RNGTT: variants seen among roughly 807,000 people sequenced by gnomAD.
RNGTT encodes the protein RNA guanylyltransferase and 5'-phosphatase.
Under a neutral mutation model 79.3 loss-of-function variants are expected in RNGTT, and 33 were observed. That is an observed-to-expected ratio of 0.42 (90% CI 0.32 to 0.56). RNGTT has a LOEUF of 0.56. Ranked by LOEUF, RNGTT falls within the 20% of genes least tolerant of loss-of-function variation. The probability of loss-of-function intolerance (pLI) is 0.17; values close to 1 mark genes in which losing one functional copy is unlikely to be tolerated. For missense variants in RNGTT, 497 were observed against 739.1 expected (o/e 0.67, Z 3.80); for synonymous variants, 222 against 235.9 (o/e 0.94, Z 0.54).
chr6:88,848,071 C>A (rs1302335963), intron 10 of RNGTT, among the ~76,000 whole-genome samples: 1 of 150,934 alleles, frequency 6.6e-6, no homozygotes. Flanking sequence ...GCAATTAAAT[C>A]ATATAAATTC....
chr6:88,755,959 C>CA (rs1157096180), intron 13 of RNGTT, among the ~76,000 whole-genome samples: 1,854 of 30,144 alleles, frequency 0.062, 165 homozygotes, highest in Admixed American at 0.099. Flanking sequence ...GACTCCGTCT[C>CA]AAAAAAAAAA....
At chr6:88,687,503 G>T (rs1775321134) in intron 13 of RNGTT, among the ~76,000 whole-genome samples, 1 of 152,176 alleles carries the variant, frequency 6.6e-6, no homozygotes, top group African/African-American at 2.4e-5. Flanking sequence ...GTTTGCAGTT[G>T]CAAAATGTTA....
intron 1 of RNGTT, among the ~76,000 whole-genome samples, chr6:88,954,484 G>C (rs572123976): frequency 1.3e-5 from 2 of 152,078 alleles, no homozygotes; most frequent in South Asian, 2.1e-4. Context: ...AATTTGTAAA[G>C]CAATTACTAC....
In RNGTT at chr6:88,727,617, C is replaced by T. The variant is rs554962258; in HGVS notation, c.1439+42157G>A. Among the ~76,000 whole-genome samples the T allele has an allele frequency of 8.5e-5, 13 of 152,180 alleles. No homozygotes were observed. In the South Asian group the frequency reaches 1.5e-3, roughly 17 times the overall value. On this transcript the variant is annotated intron_variant, in intron 13 of 15. Coordinates refer to ENST00000369485, the MANE Select transcript of RNGTT (RefSeq NM_003800.5). ...AATTGAGTTTAACATTAATAACACA[C>T]TAATATAAAGGTGAAATTTAGCTTA...
chr6:88,951,565 A>G (rs1400961314), intron 1 of RNGTT, among the ~76,000 whole-genome samples: 2 of 152,190 alleles, frequency 1.3e-5, no homozygotes, highest in Non-Finnish European at 2.9e-5. Flanking sequence ...TGTAAATTCC[A>G]CGAGACAGGC....
At chr6:88,918,451 A>T (rs1784066239) in intron 4 of RNGTT, among the ~76,000 whole-genome samples, 1 of 152,176 alleles carries the variant, frequency 6.6e-6, no homozygotes, top group Non-Finnish European at 1.5e-5. Flanking sequence ...GGAATGCAAA[A>T]CAGAAAGAAG....
At chr6:88,826,824 G>GTATATATA (rs372174983) in intron 11 of RNGTT, among the ~76,000 whole-genome samples, 4 of 129,218 alleles carry the variant, frequency 3.1e-5, no homozygotes, top group African/African-American at 1.2e-4. Context: ...ATATGTGTGT[G>GTATATATA]TATATATATA....
At chr6:88,647,546 T>A (rs1248112748) in intron 14 of RNGTT, among the ~76,000 whole-genome samples, 2 of 149,340 alleles carry the variant, frequency 1.3e-5, no homozygotes, top group Admixed American at 6.7e-5. Flanking sequence ...CATAGGGAGG[T>A]CCTGTCTCTA....
intron 14 of RNGTT, among the ~76,000 whole-genome samples, chr6:88,617,833 CTTT>C (rs1772289326): frequency 6.6e-6 from 1 of 150,936 alleles, no homozygotes; most frequent in Non-Finnish European, 1.5e-5. Flanking sequence ...TTTGTATCTT[CTTT>C]GATTTCTTTC....
chr6:88,865,568 T>G (rs996344240), intron 8 of RNGTT, among the ~76,000 whole-genome samples: 1 of 152,110 alleles, frequency 6.6e-6, no homozygotes, highest in Non-Finnish European at 1.5e-5. Flanking sequence ...AGTCAACAAC[T>G]ATAGTAAAAT....
chr6:88,634,131 CA>C (rs1773009383), intron 14 of RNGTT, among the ~76,000 whole-genome samples: 1 of 152,082 alleles, frequency 6.6e-6, no homozygotes, highest in African/African-American at 2.4e-5. Context: ...ATACTTTAAA[CA>C]TGCAAATTTT....
chr6:88,664,758 C>T (rs901303830), intron 14 of RNGTT, among the ~76,000 whole-genome samples: 1 of 152,158 alleles, frequency 6.6e-6, no homozygotes, highest in Non-Finnish European at 1.5e-5. Flanking sequence ...TTCAATCTGG[C>T]TGAGGGGTTA....
chr6:88,663,074 C>T (rs116122069), intron 14 of RNGTT, among the ~76,000 whole-genome samples: 2,433 of 152,316 alleles, frequency 0.016, 57 homozygotes, highest in African/African-American at 0.055. Context: ...TGAGTAATTC[C>T]TTATCCATAC....
At chr6:88,934,697 GT>G (rs1324042832) in intron 2 of RNGTT, among the ~76,000 whole-genome samples, 13 of 152,104 alleles carry the variant, frequency 8.5e-5, no homozygotes, top group Non-Finnish European at 1.6e-4. Flanking sequence ...CTGGAGTACA[GT>G]GGTGTGAATA....
chr6:88,784,941 T>A (rs1779180681), intron 12 of RNGTT, among the ~76,000 whole-genome samples: 1 of 152,118 alleles, frequency 6.6e-6, no homozygotes, highest in African/African-American at 2.4e-5. Flanking sequence ...TCTATATATA[T>A]AAAGAAACTG....
chr6:88,764,299 CA>C (rs1778372111), intron 13 of RNGTT, among the ~76,000 whole-genome samples: 3 of 152,060 alleles, frequency 2.0e-5, no homozygotes, highest in African/African-American at 7.2e-5. Flanking sequence ...TAATTAAATC[CA>C]AACTGGTATG....
At chr6:88,903,517 AAAT>A (rs1198971889) in intron 6 of RNGTT, among the ~76,000 whole-genome samples, 2 of 152,332 alleles carry the variant, frequency 1.3e-5, no homozygotes, top group East Asian at 3.8e-4. Context: ...AATCAGAATA[AAAT>A]AATAAATTAC....
chr6:88,872,663 GGGGTAATTTTA>G (rs1197531078), intron 8 of RNGTT, among the ~76,000 whole-genome samples: 1 of 152,068 alleles, frequency 6.6e-6, no homozygotes, highest in African/African-American at 2.4e-5. Flanking sequence ...GTTATATTTT[GGGGTAATTTTA>G]GGGTAATTTA....
intron 8 of RNGTT, among the ~76,000 whole-genome samples, chr6:88,854,121 T>C (rs1384045157): frequency 6.6e-6 from 1 of 151,816 alleles, no homozygotes; most frequent in Non-Finnish European, 1.5e-5. Flanking sequence ...TTTTTTTTAG[T>C]AGAGATGGGG....
Sources: gnomAD v4.1 joint callset for allele counts (sites outside exome capture counted in the v4.1 genomes callset) on GRCh38, gnomAD v4.1.1 for gene constraint, MANE v1.5 for transcripts, NCBI Gene and HGNC (gene_info 2026-07-23, HGNC 2026-07-21) for gene names.